Variants in SLC39A11 observed in about 807,000 individuals in gnomAD.
SLC39A11 encodes zinc transporter ZIP11.
A neutral mutation model predicts 36.1 loss-of-function variants in SLC39A11; 33 were observed. That is an observed-to-expected ratio of 0.91 (90% confidence interval 0.69 to 1.22). SLC39A11 has a LOEUF of 1.22. Ranked by LOEUF, SLC39A11 falls within the 50% of genes most tolerant of loss-of-function variation. The pLI, the probability that SLC39A11 is intolerant of heterozygous loss-of-function variation, is 0.00. For missense variants in SLC39A11, 432 were observed against 430.3 expected (o/e 1.00, Z -0.03); for synonymous variants, 166 against 170.3 (o/e 0.97, Z 0.20).
intron 7 of SLC39A11, among the ~76,000 whole-genome samples, chr17:72,691,972 AG>A (rs2072048044): frequency 6.6e-6 from 1 of 151,648 alleles, no homozygotes. Flanking sequence ...GTGCCTAAAC[AG>A]GGGGATTATA....
intron 4 of SLC39A11, among the ~76,000 whole-genome samples, chr17:73,012,770 TTTTATTTA>T (rs539396611): frequency 1.1e-4 from 16 of 151,898 alleles, no homozygotes; most frequent in Admixed American, 5.3e-4. Context: ...GTTTATTTTA[TTTTATTTA>T]TTTATTTATT....
intron 7 of SLC39A11, among the ~76,000 whole-genome samples, chr17:72,717,895 C>G (rs1190860066): frequency 2.0e-5 from 3 of 152,206 alleles, no homozygotes; most frequent in African/African-American, 4.8e-5. Context: ...CGCAAGGCCA[C>G]CAGATCACCT....
chr17:73,058,270 T>G (rs1416314144), intron 3 of SLC39A11, among the ~76,000 whole-genome samples: 1 of 152,132 alleles, frequency 6.6e-6, no homozygotes, highest in Non-Finnish European at 1.5e-5. Flanking sequence ...CAATAATGAG[T>G]AATCGAAGTG....
intron 4 of SLC39A11, among the ~76,000 whole-genome samples, chr17:73,001,857 T>C (rs1487296171): frequency 1.3e-5 from 2 of 152,100 alleles, no homozygotes. Flanking sequence ...ACCAGGGCAA[T>C]GGAAAGTATC....
intron 5 of SLC39A11, among the ~76,000 whole-genome samples, chr17:72,901,153 T>C (rs1276612115): frequency 6.6e-6 from 1 of 152,222 alleles, no homozygotes; most frequent in Non-Finnish European, 1.5e-5. Flanking sequence ...TGAAAACGAA[T>C]GCCAAAAGGC....
At position 72,719,684 on chromosome 17, in the gene SLC39A11, C is replaced by T. The variant is rs1421654124; in HGVS notation, c.671+16966G>A. 6.6e-5 allele frequency among the ~76,000 whole-genome samples: 10 copies of T among 152,206 alleles called. No individual in the cohort carries two copies. In the East Asian group the frequency reaches 1.7e-3, roughly 26 times the overall value. On this transcript the variant is annotated intron_variant, in intron 7 of 9. Transcript: ENST00000255559. ...GAAAGCCGCAAGGAAACCACACTGC[C>T]ATTTTCAGAGAGCTTGACGGGGCCC... is the stretch of plus-strand genomic sequence containing the variant.
rs57284292 is a variant in SLC39A11, at chr17:73,081,632, TACACACACACAC to T, written c.147+3164_147+3175del. ...TGTGATATATATATATATATATACA[TACACACACACAC>T]ACACACACACACACACACACACACA... is the stretch of plus-strand genomic sequence containing the variant. On this transcript the variant is annotated intron_variant, in intron 3 of 9. Coordinates refer to ENST00000255559, the MANE Select transcript of SLC39A11 (RefSeq NM_139177.4). Among the ~76,000 whole-genome samples the T allele has an allele frequency of 4.4e-3, 488 of 110,660 alleles. 7 individuals are homozygous for T. Among genetic ancestry groups the T allele is most frequent in the African/African-American group, 0.014 (437 of 30,174 alleles). 72.6% of individuals were successfully genotyped at this position (110,660 alleles called of 152,430 possible).
In SLC39A11 at chr17:72,697,221, T is replaced by C. The variant is rs1382665017; in HGVS notation, c.671+39429A>G. On this transcript the variant is annotated intron_variant, in intron 7 of 9. Transcript: ENST00000255559. ...TGTCAGCCTCCTGAGTAGTTGGGAC[T>C]ACAAGTGCACGCCACCACTTCTGGC... is the stretch of plus-strand genomic sequence containing the variant. Among the ~76,000 whole-genome samples, 3 of 152,320 alleles carry C rather than the reference T, an allele frequency of 2.0e-5. No individual in the cohort carries two copies. The East Asian group carries it at 5.8e-4, about 29-fold the overall frequency.
intron 5 of SLC39A11, among the ~76,000 whole-genome samples, chr17:72,923,929 GAGCCCAGGAGTTCAAGACC>G (rs2083861142): frequency 6.6e-6 from 1 of 151,944 alleles, no homozygotes; most frequent in Non-Finnish European, 1.5e-5. Flanking sequence ...CTGATCTTTT[GAGCCCAGGAGTTCAAGACC>G]AGCCCAAACA....
At chr17:73,090,046 C>A (rs1225622513) in intron 1 of SLC39A11, among the ~76,000 whole-genome samples, 1 of 152,210 alleles carries the variant, frequency 6.6e-6, no homozygotes, top group East Asian at 1.9e-4. Flanking sequence ...GGTCTGCCAG[C>A]ACCCAGAGGG....
chr17:72,729,154 C>T (rs1032566319), intron 7 of SLC39A11, among the ~76,000 whole-genome samples: 1 of 151,894 alleles, frequency 6.6e-6, no homozygotes, highest in African/African-American at 2.4e-5. Flanking sequence ...ATGTCTCTTG[C>T]CTGCATCGGA....
At chr17:72,773,111 A>T (rs1361704722) in intron 6 of SLC39A11, among the ~76,000 whole-genome samples, 1 of 152,182 alleles carries the variant, frequency 6.6e-6, no homozygotes, top group Non-Finnish European at 1.5e-5. Context: ...AAAGAAAGAA[A>T]GAAAAAGAAA....
chr17:72,661,096 T>C (rs1567916027), intron 7 of SLC39A11, among the ~76,000 whole-genome samples: 1 of 152,194 alleles, frequency 6.6e-6, no homozygotes, highest in Admixed American at 6.5e-5. Context: ...AACTTAGCTA[T>C]GGCACGACAG....
At chr17:72,780,529 G>C (rs1449533604) in intron 6 of SLC39A11, among the ~76,000 whole-genome samples, 2 of 116,872 alleles carry the variant, frequency 1.7e-5, no homozygotes, top group African/African-American at 3.1e-5. Flanking sequence ...ATGGGGGGCG[G>C]GTGGGGGCAC....
At chr17:72,683,253 T>C (rs1291071572) in intron 7 of SLC39A11, among the ~76,000 whole-genome samples, 1 of 151,748 alleles carries the variant, frequency 6.6e-6, no homozygotes, top group Admixed American at 6.6e-5. Flanking sequence ...GGATAAAGTA[T>C]ACACCCCCAT....
At chr17:72,810,526 C>T (rs1399282790) in intron 6 of SLC39A11, among the ~76,000 whole-genome samples, 1 of 152,108 alleles carries the variant, frequency 6.6e-6, no homozygotes, top group Non-Finnish European at 1.5e-5. Flanking sequence ...AAATGATATT[C>T]CAGAGCAGGT....
At chr17:72,856,028 ATTTCTAGACTTTT>A (rs2079626540) in intron 5 of SLC39A11, among the ~76,000 whole-genome samples, 1 of 152,134 alleles carries the variant, frequency 6.6e-6, no homozygotes, top group Non-Finnish European at 1.5e-5. Context: ...ACTTTTGGCT[ATTTCTAGACTTTT>A]TTTCTTATAA....
At chr17:72,854,985 G>A (rs2079561694) in intron 5 of SLC39A11, among the ~76,000 whole-genome samples, 2 of 152,152 alleles carry the variant, frequency 1.3e-5, no homozygotes, top group Non-Finnish European at 2.9e-5. Flanking sequence ...ACAAGCCCAG[G>A]GGCCATCAGC....
In SLC39A11 at chr17:72,834,633, CAATAA is replaced by C. The variant is rs139007121; in HGVS notation, c.601+14996_601+15000del. 5.3e-4 allele frequency among the ~76,000 whole-genome samples: 78 copies of C among 148,328 alleles called. 1 individual carries two copies. The highest frequency in any genetic ancestry group is 1.5e-3 in the South Asian group (7 of 4,578). ...TGAGACTCCAACTCCATAAACAAAA[CAATAA>C]AATAAAATAAAATAAAATAAAATAA... On this transcript the variant is annotated intron_variant, in intron 6 of 9. Transcript: ENST00000255559.
Sources: allele counts gnomAD v4.1 joint callset (sites outside exome capture counted in the v4.1 genomes callset), GRCh38; gene constraint gnomAD v4.1.1; transcripts MANE v1.5; gene names NCBI Gene and HGNC (gene_info 2026-07-23, HGNC 2026-07-21).